The following KCNK1 variants were observed in gnomAD, a reference collection of about 807,000 sequenced individuals.
KCNK1 encodes potassium two pore domain channel subfamily K member 1, also known as potassium channel subfamily K member 1.
Under a neutral mutation model 22.2 loss-of-function variants are expected in KCNK1, and 10 were observed. The observed-to-expected ratio is 0.45, with a 90% CI of 0.28 to 0.76. The LOEUF is 0.76. KCNK1 is among the 30% of genes least tolerant of loss of function. The probability of loss-of-function intolerance (pLI) is 0.14; values close to 1 mark genes in which losing one functional copy is unlikely to be tolerated. For synonymous variants in KCNK1, 200 were observed against 186.4 expected, an observed-to-expected ratio of 1.07 and a Z score of -0.60; for missense variants, 378 against 421.0, an observed-to-expected ratio of 0.90 and a Z score of 0.89.
chr1:233,670,690 C>T (rs562440244), intron 2 of KCNK1, among the ~76,000 whole-genome samples: 2 of 152,210 alleles, frequency 1.3e-5, no homozygotes, highest in South Asian at 4.2e-4. Flanking sequence ...TCAACTACCT[C>T]CCACCAGGTC....
intron 1 of KCNK1, among the ~76,000 whole-genome samples, chr1:233,657,757 G>C (rs1384766031): frequency 6.6e-6 from 1 of 152,110 alleles, no homozygotes; most frequent in Non-Finnish European, 1.5e-5. Context: ...TACCTATGCT[G>C]TCCTACTATA....
intron 1 of KCNK1, 81 bp downstream of exon 1, chr1:233,614,607 C>T (rs1236867155): frequency 2.7e-6 from 3 of 1,108,538 alleles, no homozygotes; most frequent in East Asian, 5.3e-5. Flanking sequence ...GCCCCGGGCC[C>T]CTCTAACCCT....
intron 2 of KCNK1, among the ~76,000 whole-genome samples, chr1:233,668,850 C>A (rs1658545102): frequency 6.6e-6 from 1 of 152,204 alleles, no homozygotes; most frequent in Non-Finnish European, 1.5e-5. Context: ...CGTGATCTGC[C>A]CGCCTCAGCC....
intron 1 of KCNK1, among the ~76,000 whole-genome samples, chr1:233,616,151 C>T (rs139215077): frequency 2.1e-3 from 317 of 152,286 alleles, no homozygotes; most frequent in African/African-American, 7.4e-3. Flanking sequence ...GTCATTCATT[C>T]TTCCCAGAAG....
intron 1 of KCNK1, among the ~76,000 whole-genome samples, chr1:233,623,504 G>C (rs2102883277): frequency 6.6e-6 from 1 of 152,348 alleles, no homozygotes; most frequent in East Asian, 1.9e-4. Flanking sequence ...TGTGATCACT[G>C]TACATTATGT....
chr1:233,618,304 C>G (rs529010298), intron 1 of KCNK1, among the ~76,000 whole-genome samples: 4 of 151,146 alleles, frequency 2.6e-5, no homozygotes, highest in Non-Finnish European at 5.9e-5. Context: ...CAGTTTTGAG[C>G]TTTTCAGAAA....
intron 1 of KCNK1, among the ~76,000 whole-genome samples, chr1:233,627,080 T>C (rs1313759885): frequency 6.6e-6 from 1 of 152,100 alleles, no homozygotes; most frequent in Non-Finnish European, 1.5e-5. Flanking sequence ...ATTGACGATT[T>C]TTACAGTTTG....
intron 1 of KCNK1, among the ~76,000 whole-genome samples, chr1:233,648,818 T>C (rs1445824724): frequency 6.6e-6 from 1 of 152,144 alleles, no homozygotes; most frequent in African/African-American, 2.4e-5. Flanking sequence ...CCACCTGCCT[T>C]GGCCCCCCAA....
At chr1:233,655,217 CTATTCTTTTCTTTCTTTT>C in intron 1 of KCNK1, among the ~76,000 whole-genome samples, 1 of 152,294 alleles carries the variant, frequency 6.6e-6, no homozygotes, top group South Asian at 2.1e-4. Flanking sequence ...TTCTTTCTTT[CTATTCTTTTCTTTCTTTT>C]GAAATGGAAA....
At chr1:233,619,932 C>CG (rs1182530007) in intron 1 of KCNK1, among the ~76,000 whole-genome samples, 877 of 11,284 alleles carry the variant, frequency 0.078, 4 homozygotes, top group Middle Eastern at 0.25. Context: ...GGCGGGGGGG[C>CG]GGGGGGGCAG....
At chr1:233,668,276 T>C (rs1417811859) in intron 2 of KCNK1, among the ~76,000 whole-genome samples, 1 of 152,234 alleles carries the variant, frequency 6.6e-6, no homozygotes, top group Non-Finnish European at 1.5e-5. Context: ...TGCTCTGTCT[T>C]GGCCCTGTCT....
At chr1:233,639,864 C>T (rs1657973465) in intron 1 of KCNK1, among the ~76,000 whole-genome samples, 1 of 152,242 alleles carries the variant, frequency 6.6e-6, no homozygotes. Flanking sequence ...CGTCAGAACA[C>T]ACCTGGTGGG....
At chr1:233,642,032 G>A (rs1423453507) in intron 1 of KCNK1, among the ~76,000 whole-genome samples, 1 of 152,274 alleles carries the variant, frequency 6.6e-6, no homozygotes, top group East Asian at 1.9e-4. Context: ...TGGTGGAGAG[G>A]TGGGCAGGAT....
At chr1:233,630,008 T>C (rs1657763479) in intron 1 of KCNK1, 1 of 152,172 alleles carries the variant, frequency 6.6e-6, no homozygotes, top group Admixed American at 6.5e-5. Context: ...CCCAGTTCTG[T>C]GTCTCTTCAC....
intron 1 of KCNK1, among the ~76,000 whole-genome samples, chr1:233,633,146 G>A (rs991155777): frequency 6.6e-6 from 1 of 151,084 alleles, no homozygotes; most frequent in Non-Finnish European, 1.5e-5. Context: ...GAAACATGGG[G>A]TGGAGAAGAG....
chr1:233,667,497 G>T (rs1440543618), intron 2 of KCNK1, among the ~76,000 whole-genome samples: 1 of 151,990 alleles, frequency 6.6e-6, no homozygotes, highest in African/African-American at 2.4e-5. Context: ...TTGGGAGGCC[G>T]AGGCGGGCGG....
chr1:233,649,205 C>A (rs75146533), intron 1 of KCNK1, among the ~76,000 whole-genome samples: 4,486 of 152,300 alleles, frequency 0.029, 225 homozygotes, highest in African/African-American at 0.1. Context: ...GAATTTTTCT[C>A]AGTAAGAATC....
At chr1:233,637,714 T>A (rs1280868108) in intron 1 of KCNK1, among the ~76,000 whole-genome samples, 1 of 152,146 alleles carries the variant, frequency 6.6e-6, no homozygotes, top group Non-Finnish European at 1.5e-5. Flanking sequence ...TGCTTTCTGG[T>A]GCAATGTAGT....
intron 1 of KCNK1, among the ~76,000 whole-genome samples, chr1:233,620,389 T>A (rs547630286): frequency 6.6e-6 from 1 of 152,366 alleles, no homozygotes; most frequent in Non-Finnish European, 1.5e-5. Flanking sequence ...CTCAGACTTC[T>A]TTGTGCTGTT....
Sources: allele counts gnomAD v4.1 joint callset (sites outside exome capture counted in the v4.1 genomes callset), GRCh38; gene constraint gnomAD v4.1.1; transcripts MANE v1.5; gene names NCBI Gene and HGNC (gene_info 2026-07-23, HGNC 2026-07-21).